UNC79: variants seen among roughly 807,000 people sequenced by gnomAD.
UNC79 encodes the protein protein unc-79 homolog.
UNC79 carries 37 observed loss-of-function variants against 283.1 expected under a neutral mutation model. The observed-to-expected ratio is 0.13, with a 90% confidence interval of 0.10 to 0.17. The LOEUF (loss-of-function observed/expected upper bound fraction) is 0.17. Among genes scored for constraint, UNC79 ranks in the 10% least tolerant of loss-of-function variants. The pLI is 1.00. For synonymous variants in UNC79, 1,107 were observed against 1,200.2 expected, an observed-to-expected ratio of 0.92 and a Z score of 1.61; for missense variants, 2,272 against 3,211.1, an observed-to-expected ratio of 0.71 and a Z score of 7.07.
At chr14:93,431,499 G>C (rs1255097882) in intron 1 of UNC79, among the ~76,000 whole-genome samples, 1 of 151,884 alleles carries the variant, frequency 6.6e-6, no homozygotes, top group Non-Finnish European at 1.5e-5. Flanking sequence ...GGAGCCATAG[G>C]GGAGTTTGAG....
intron 1 of UNC79, among the ~76,000 whole-genome samples, chr14:93,376,017 C>G (rs1280144320): frequency 6.6e-6 from 1 of 152,170 alleles, no homozygotes; most frequent in Admixed American, 6.5e-5. Flanking sequence ...AAGTCCCCAC[C>G]AGCAAGAAGG....
intron 8 of UNC79, among the ~76,000 whole-genome samples, chr14:93,524,246 C>T (rs187608562): frequency 1.7e-3 from 265 of 152,296 alleles, no homozygotes; most frequent in African/African-American, 6.1e-3. Context: ...TTTGGCTATG[C>T]GTTCGTAGCC....
At chr14:93,347,087 A>C (rs921257358) in intron 1 of UNC79, 13 of 585,966 alleles carry the variant, frequency 2.2e-5, no homozygotes, top group Non-Finnish European at 3.5e-5. Flanking sequence ...TGGTGAGCGG[A>C]AGAGGCGGGG....
intron 24 of UNC79, among the ~76,000 whole-genome samples, chr14:93,599,251 G>C (rs1355354807): frequency 6.6e-6 from 1 of 152,182 alleles, no homozygotes; most frequent in Non-Finnish European, 1.5e-5. Flanking sequence ...TATGGATAGA[G>C]ATGCTGAGAG....
At chr14:93,418,286 C>G (rs565708674) in intron 1 of UNC79, among the ~76,000 whole-genome samples, 1 of 151,890 alleles carries the variant, frequency 6.6e-6, no homozygotes, top group East Asian at 1.9e-4. Context: ...GAGGTCCACT[C>G]CAGACCCTGT....
intron 4 of UNC79, among the ~76,000 whole-genome samples, chr14:93,480,317 T>C (rs2058061969): frequency 6.6e-6 from 1 of 152,188 alleles, no homozygotes; most frequent in South Asian, 2.1e-4. Context: ...TTTTTTTAAC[T>C]ATAAAGAAGG....
chr14:93,596,213 T>C (rs2065069455), intron 23 of UNC79, among the ~76,000 whole-genome samples: 1 of 152,230 alleles, frequency 6.6e-6, no homozygotes, highest in Admixed American at 6.5e-5. Context: ...TGTAAATTAA[T>C]GATATGCAAA....
exon 29 of UNC79, chr14:93,618,307 T>C (rs1428084907): frequency 6.2e-7 from 1 of 1,614,014 alleles, no homozygotes; most frequent in Admixed American, 1.7e-5. Flanking sequence ...GCAGGACCTT[T>C]GTACAGTGAC....
intron 5 of UNC79, among the ~76,000 whole-genome samples, chr14:93,492,764 T>C (rs1172067907): frequency 6.6e-6 from 1 of 152,210 alleles, no homozygotes; most frequent in Non-Finnish European, 1.5e-5. Context: ...TGAACAACGT[T>C]CATATAGCAG....
chr14:93,445,613 A>G (rs904480765), intron 1 of UNC79, among the ~76,000 whole-genome samples: 1 of 152,224 alleles, frequency 6.6e-6, no homozygotes, highest in Non-Finnish European at 1.5e-5. Context: ...TCAGGATAAA[A>G]TTGGCTTCAT....
intron 2 of UNC79, among the ~76,000 whole-genome samples, chr14:93,470,295 G>C (rs886243326): frequency 1.3e-5 from 2 of 152,126 alleles, no homozygotes; most frequent in Non-Finnish European, 2.9e-5. Flanking sequence ...GATTTTAGTA[G>C]AGTTTCGTAC....
exon 46 of UNC79, chr14:93,691,941 A>G (rs978736248): frequency 6.2e-7 from 1 of 1,614,132 alleles, no homozygotes; most frequent in Non-Finnish European, 8.5e-7. Context: ...GGCCCATAAC[A>G]AAGTGGTGAG....
At chr14:93,704,486 C>T (rs997592512) in intron 47 of UNC79, 139 bp from the exon 51 acceptor site, 14 of 955,796 alleles carry the variant, frequency 1.5e-5, no homozygotes, top group African/African-American at 3.3e-5. Context: ...TTGCTGATAA[C>T]GGGTAGCCCT....
Position 93,467,652 on chromosome 14 carries a change from T to TTTTTG in UNC79, c.23-15_23-14insGTTTT. ...CCTTTTTTTTTTTTTTTTTTTTTTT[T>TTTTTG]TTTTTTGCTTTTATCTAGTTGCTTC... is the stretch of plus-strand genomic sequence containing the variant. On this transcript the variant is annotated intron_variant, in intron 1 of 48. Transcript: ENST00000555664. The TTTTTG allele has an allele frequency of 9.1e-7, 1 of 1,098,802 alleles. No homozygotes were observed. The highest frequency in any genetic ancestry group is 1.1e-6 in the Non-Finnish European group (1 of 908,266). The allele number at this position is 1,098,802 out of a possible 1,614,324, so 68.1% of individuals were successfully genotyped here. A position where few individuals can be genotyped will look rare whatever the true frequency, so the allele number is the denominator to read the frequency against.
intron 39 of UNC79, among the ~76,000 whole-genome samples, chr14:93,660,559 A>ATGTGTGTGTGTGTG (rs1323219450): frequency 1.2e-5 from 1 of 86,848 alleles, no homozygotes; most frequent in African/African-American, 5.4e-5. Context: ...ATATATATAT[A>ATGTGTGTGTGTGTG]TATATGTGTG....
chr14:93,705,793 G>A (rs2075839427), intron 48 of UNC79, among the ~76,000 whole-genome samples: 1 of 152,224 alleles, frequency 6.6e-6, no homozygotes, highest in Admixed American at 6.5e-5. Flanking sequence ...GGGAGGAAAA[G>A]CTGGAAAGTT....
At chr14:93,660,557 ATATATATGTGTGTGTG>A (rs1268164742) in intron 39 of UNC79, among the ~76,000 whole-genome samples, 5 of 87,776 alleles carry the variant, frequency 5.7e-5, no homozygotes, top group African/African-American at 2.5e-4. Context: ...ATATATATAT[ATATATATGTGTGTGTG>A]TGTGTGTTCA....
At chr14:93,671,593 A>G (rs900723841) in intron 40 of UNC79, among the ~76,000 whole-genome samples, 15 of 152,090 alleles carry the variant, frequency 9.9e-5, no homozygotes, top group South Asian at 2.1e-4. Flanking sequence ...ACCAACATGG[A>G]GAAACCCCAT....
At chr14:93,602,856 G>T (rs1179420840) in intron 25 of UNC79, among the ~76,000 whole-genome samples, 2 of 152,012 alleles carry the variant, frequency 1.3e-5, no homozygotes, top group African/African-American at 4.8e-5. Context: ...GCCCAGGCTG[G>T]TCTCAAACTC....
Sources: gnomAD v4.1 joint callset for allele counts (sites outside exome capture counted in the v4.1 genomes callset) on GRCh38, gnomAD v4.1.1 for gene constraint, MANE v1.5 for transcripts, NCBI Gene and HGNC (gene_info 2026-07-23, HGNC 2026-07-21) for gene names.